The following MAP4 variants were observed in gnomAD, a reference collection of about 807,000 sequenced individuals.
MAP4 encodes the protein microtubule associated protein 4, also known as microtubule-associated protein 4.
Under a neutral mutation model 170.2 loss-of-function variants are expected in MAP4, and 76 were observed. That is an observed-to-expected ratio of 0.45 (90% CI 0.37 to 0.54). The LOEUF (loss-of-function observed/expected upper bound fraction) is 0.54, where lower values mean the gene tolerates loss of function less well. Ranked by LOEUF, MAP4 falls within the 20% of genes least tolerant of loss-of-function variation. The pLI, the probability that MAP4 is intolerant of heterozygous loss-of-function variation, is 0.00. For synonymous variants in MAP4, 909 were observed against 994.5 expected (o/e 0.91, Z 1.62); for missense variants, 2,506 against 2,748.0 (o/e 0.91, Z 1.97).
chr3:48,055,855 C>T (rs1359724418), intron 1 of MAP4, among the ~76,000 whole-genome samples: 12 of 133,790 alleles, frequency 9.0e-5, no homozygotes, highest in Non-Finnish European at 1.7e-4. Context: ...TCTGCCCCGC[C>T]GCCCCATCTG....
intron 3 of MAP4, among the ~76,000 whole-genome samples, chr3:47,965,253 G>A (rs529400585): frequency 3.3e-5 from 5 of 152,078 alleles, no homozygotes; most frequent in African/African-American, 1.2e-4. Context: ...GCTAAATAAC[G>A]TTCCATTATA....
At chr3:48,052,658 T>C (rs1372104936) in intron 1 of MAP4, among the ~76,000 whole-genome samples, 1 of 152,234 alleles carries the variant, frequency 6.6e-6, no homozygotes, top group Non-Finnish European at 1.5e-5. Flanking sequence ...GCTATTCTTT[T>C]TAAAATTCAG....
At chr3:47,978,787 C>T (rs1428127549) in intron 2 of MAP4, among the ~76,000 whole-genome samples, 1 of 150,044 alleles carries the variant, frequency 6.7e-6, no homozygotes, top group Non-Finnish European at 1.5e-5. Flanking sequence ...TATCTTATTC[C>T]CTAATGACTA....
At chr3:47,950,365 A>C (rs2100062915) in intron 3 of MAP4, among the ~76,000 whole-genome samples, 2 of 152,206 alleles carry the variant, frequency 1.3e-5, no homozygotes, top group African/African-American at 4.8e-5. Flanking sequence ...TGGGATTTAG[A>C]AATTGGTTTG....
chr3:47,903,921 C>T (rs558673941), intron 9 of MAP4, among the ~76,000 whole-genome samples: 2 of 152,276 alleles, frequency 1.3e-5, no homozygotes, highest in Admixed American at 6.5e-5. Context: ...GATTCTAATC[C>T]TAAATTAACC....
At chr3:47,955,995 T>C (rs1448419874) in intron 3 of MAP4, among the ~76,000 whole-genome samples, 3 of 152,168 alleles carry the variant, frequency 2.0e-5, no homozygotes, top group African/African-American at 7.2e-5. Context: ...CAGAAAATTA[T>C]TCACCTTTCA....
chr3:48,043,866 A>AGACG (rs1428534837), intron 1 of MAP4, among the ~76,000 whole-genome samples: 1 of 152,092 alleles, frequency 6.6e-6, no homozygotes, highest in Non-Finnish European at 1.5e-5. Context: ...TTTAAAATTG[A>AGACG]GACGGAGTCT....
chr3:47,872,331 G>A (rs1358063283), intron 12 of MAP4, among the ~76,000 whole-genome samples: 1 of 152,054 alleles, frequency 6.6e-6, no homozygotes, highest in African/African-American at 2.4e-5. Context: ...CTACAGGCAC[G>A]TGCCACCACG....
chr3:47,897,689 A>G (rs1346935085), intron 10 of MAP4, among the ~76,000 whole-genome samples: 1 of 152,008 alleles, frequency 6.6e-6, no homozygotes, highest in Admixed American at 6.6e-5. Flanking sequence ...CTGTAATCTC[A>G]GTACTTTGGG....
rs529445552 is a variant in MAP4, at chr3:48,014,470, C to A, written c.-20+1864G>T. On this transcript the variant is annotated intron_variant, in intron 1 of 20. Transcript: ENST00000683076. ...ATGAAAAGCTAGAACAGAGCTTGGGCAAAATGGCAAAACCCCATCTCTACA... is the reference window on the plus strand; with the variant it reads ...ATGAAAAGCTAGAACAGAGCTTGGGAAAAATGGCAAAACCCCATCTCTACA... Among the ~76,000 whole-genome samples, 4 of 152,204 alleles carry A rather than the reference C, an allele frequency of 2.6e-5. No individual in the cohort carries two copies. In the South Asian group the frequency reaches 8.3e-4, roughly 32 times the overall value.
chr3:47,979,025 C>A (rs756697075), intron 2 of MAP4, among the ~76,000 whole-genome samples: 8 of 151,932 alleles, frequency 5.3e-5, no homozygotes, highest in Non-Finnish European at 1.0e-4. Flanking sequence ...CTTAACTGTG[C>A]CTTTCAAATA....
rs3079351 is a variant in MAP4 at position 47,955,435 on chromosome 3, TACACACACACAC to T, written c.292+22418_292+22429del. Among the ~76,000 whole-genome samples the T allele has an allele frequency of 2.5e-3, 334 of 135,490 alleles. 2 individuals carry two copies. The highest frequency in any genetic ancestry group is 5.9e-3 in the African/African-American group (213 of 36,354). 88.9% of individuals were successfully genotyped at this position (135,490 alleles called of 152,430 possible). On this transcript the variant is annotated intron_variant, in intron 3 of 20. Transcript: ENST00000683076. Reference sequence around the variant, plus strand: ...CCAAAAAAATAAATAAATAAGCACGTACACACACACACACACACACACACACACACACACACA... The same window carrying T: ...CCAAAAAAATAAATAAATAAGCACGTACACACACACACACACACACACACA...
At chr3:47,933,566 T>G (rs1202891067) in intron 3 of MAP4, among the ~76,000 whole-genome samples, 1 of 150,842 alleles carries the variant, frequency 6.6e-6, no homozygotes, top group African/African-American at 2.4e-5. Flanking sequence ...GCCTGCCAAG[T>G]AGCTGGGACT....
At chr3:47,930,305 C>T (rs1438092286) in intron 3 of MAP4, among the ~76,000 whole-genome samples, 4 of 150,934 alleles carry the variant, frequency 2.7e-5, no homozygotes, top group African/African-American at 7.3e-5. Context: ...ATTAGCCGGG[C>T]GCGGTGGCGG....
intron 1 of MAP4, among the ~76,000 whole-genome samples, chr3:48,024,910 A>C (rs4599334): frequency 0.72 from 109,879 of 151,806 alleles, 40,099 homozygotes; most frequent in African/African-American, 0.82. Flanking sequence ...AGTTATTATC[A>C]CAATATTTGT....
At chr3:48,067,622 C>A (rs1036634625) in intron 1 of MAP4, among the ~76,000 whole-genome samples, 37 of 142,554 alleles carry the variant, frequency 2.6e-4, no homozygotes, top group Non-Finnish European at 5.3e-4. Flanking sequence ...TCAAAGTTAA[C>A]AAGAGAAACC....
At chr3:47,922,353 A>G (rs888043161) in intron 4 of MAP4, among the ~76,000 whole-genome samples, 4 of 152,214 alleles carry the variant, frequency 2.6e-5, no homozygotes, top group African/African-American at 7.2e-5. Flanking sequence ...TCACTAATTC[A>G]TTTGTTATGA....
At chr3:47,962,870 ATT>A (rs1233028088) in intron 3 of MAP4, among the ~76,000 whole-genome samples, 1 of 152,234 alleles carries the variant, frequency 6.6e-6, no homozygotes, top group African/African-American at 2.4e-5. Context: ...AGAAATATTA[ATT>A]TGTTAAATAG....
chr3:47,876,532 G>C (rs2095462184), intron 11 of MAP4, among the ~76,000 whole-genome samples: 1 of 150,710 alleles, frequency 6.6e-6, no homozygotes, highest in African/African-American at 2.5e-5. Flanking sequence ...ACTAACTTTT[G>C]GTGGCTATTC....
Sources: allele counts gnomAD v4.1 joint callset (sites outside exome capture counted in the v4.1 genomes callset), GRCh38; gene constraint gnomAD v4.1.1; transcripts MANE v1.5; gene names NCBI Gene and HGNC (gene_info 2026-07-23, HGNC 2026-07-21).